Variants in FOXP1 observed in about 807,000 individuals in gnomAD.
The protein encoded by FOXP1 is forkhead box protein P1.
A neutral mutation model predicts 98.2 loss-of-function variants in FOXP1; 15 were observed. The ratio of observed to expected loss-of-function variants is 0.15; its 90% confidence interval spans 0.10 to 0.24. The LOEUF is 0.24. Ranked by LOEUF, FOXP1 falls within the 10% of genes least tolerant of loss-of-function variation. FOXP1 has a pLI of 1.00. For missense variants in FOXP1, 633 were observed against 848.5 expected, an observed-to-expected ratio of 0.75 and a Z score of 3.15; for synonymous variants, 371 against 314.5, an observed-to-expected ratio of 1.18 and a Z score of -1.90.
At chr3:71,521,149 G>C (rs1004677005) in intron 2 of FOXP1, among the ~76,000 whole-genome samples, 2 of 152,036 alleles carry the variant, frequency 1.3e-5, no homozygotes, top group African/African-American at 4.8e-5. Flanking sequence ...ATAGCAGCAA[G>C]GAAAGCTCCT....
At chr3:71,147,777 C>G (rs1288710473) in intron 6 of FOXP1, among the ~76,000 whole-genome samples, 1 of 152,008 alleles carries the variant, frequency 6.6e-6, no homozygotes, top group Non-Finnish European at 1.5e-5. Context: ...AAGATCCTAG[C>G]CTTATCGGCA....
At chr3:71,514,764 A>G (rs1221912515) in intron 2 of FOXP1, among the ~76,000 whole-genome samples, 2 of 152,150 alleles carry the variant, frequency 1.3e-5, no homozygotes, top group Non-Finnish European at 2.9e-5. Flanking sequence ...TGTGGAGCCG[A>G]CCCAGGTGAG....
intron 4 of FOXP1, among the ~76,000 whole-genome samples, chr3:71,305,329 T>A (rs1240724491): frequency 6.6e-6 from 1 of 152,134 alleles, no homozygotes; most frequent in Non-Finnish European, 1.5e-5. Flanking sequence ...AGGCTGTCAT[T>A]TTCCCCCCAG....
At chr3:70,992,927 C>T (rs1223259830) in intron 13 of FOXP1, among the ~76,000 whole-genome samples, 3 of 152,184 alleles carry the variant, frequency 2.0e-5, no homozygotes, top group Non-Finnish European at 2.9e-5. Context: ...CTTTCCCCGA[C>T]GTGCTCAGGG....
chr3:71,132,779 G>A (rs542906643), intron 6 of FOXP1, among the ~76,000 whole-genome samples: 1 of 152,210 alleles, frequency 6.6e-6, no homozygotes, highest in Admixed American at 6.5e-5. Context: ...TTTGCCTTGT[G>A]CAAACGAGTC....
intron 3 of FOXP1, among the ~76,000 whole-genome samples, chr3:71,455,780 A>G (rs2108515814): frequency 6.6e-6 from 1 of 152,354 alleles, no homozygotes; most frequent in East Asian, 1.9e-4. Context: ...TACCTAAGAA[A>G]GAAAAGAGCT....
chr3:71,315,467 A>C (rs17655465), intron 4 of FOXP1, among the ~76,000 whole-genome samples: 21,536 of 152,232 alleles, frequency 0.14, 1,738 homozygotes, highest in Non-Finnish European at 0.19. Flanking sequence ...CTCTTCATCA[A>C]AATTCAGACT....
At chr3:71,512,605 G>T (rs996473882) in intron 2 of FOXP1, among the ~76,000 whole-genome samples, 3 of 152,150 alleles carry the variant, frequency 2.0e-5, no homozygotes, top group African/African-American at 7.2e-5. Flanking sequence ...CTTTTCCTGG[G>T]TGACAAAAGA....
intron 6 of FOXP1, among the ~76,000 whole-genome samples, chr3:71,135,089 T>C (rs536092822): frequency 6.6e-6 from 1 of 151,926 alleles, no homozygotes; most frequent in South Asian, 2.1e-4. Flanking sequence ...TGAAACCCCA[T>C]CTCTACCAAA....
chr3:71,273,767 G>A (rs1169122474), intron 5 of FOXP1, among the ~76,000 whole-genome samples: 2 of 152,206 alleles, frequency 1.3e-5, no homozygotes, highest in African/African-American at 4.8e-5. Context: ...ATGACTTCAT[G>A]CCAAATGCAT....
At chr3:71,528,485 TG>T (rs2043573598) in intron 2 of FOXP1, among the ~76,000 whole-genome samples, 2 of 152,212 alleles carry the variant, frequency 1.3e-5, no homozygotes, top group Non-Finnish European at 2.9e-5. Flanking sequence ...TAATAAATAA[TG>T]TTTGACCTTC....
chr3:71,397,404 T>G (rs1427309671), intron 3 of FOXP1, among the ~76,000 whole-genome samples: 2 of 152,090 alleles, frequency 1.3e-5, no homozygotes, highest in East Asian at 3.9e-4. Flanking sequence ...TTTTGCTAGT[T>G]TTTCCAAGTG....
At chr3:71,049,755 T>C (rs772616572) in intron 9 of FOXP1, among the ~76,000 whole-genome samples, 1 of 152,128 alleles carries the variant, frequency 6.6e-6, no homozygotes, top group African/African-American at 2.4e-5. Flanking sequence ...GTTAAAATCA[T>C]AACCACCAGT....
intron 2 of FOXP1, among the ~76,000 whole-genome samples, chr3:71,534,325 T>C (rs533620120): frequency 3.2e-4 from 48 of 151,976 alleles, no homozygotes; most frequent in African/African-American, 1.2e-3. Flanking sequence ...GATCACGCCA[T>C]TGCACTCCAG....
intron 5 of FOXP1, among the ~76,000 whole-genome samples, chr3:71,289,133 C>T (rs1255559212): frequency 6.6e-6 from 1 of 151,848 alleles, no homozygotes; most frequent in Non-Finnish European, 1.5e-5. Context: ...CTCCCGGGTC[C>T]CAGTTCAAGC....
In FOXP1 at chr3:71,071,441, A is replaced by AC. The variant is rs1194064906; in HGVS notation, c.283-17669dup. Among the ~76,000 whole-genome samples the AC allele has an allele frequency of 2.6e-5, 4 of 152,362 alleles. No homozygotes were observed. The East Asian group carries it at 7.7e-4, about 29-fold the overall frequency. Reference sequence around the variant, plus strand: ...TTTAACTCTGAGATAGTACAGGAGTACTACATATGACTTAGGATTCTATTA... The same window carrying AC: ...TTTAACTCTGAGATAGTACAGGAGTACCTACATATGACTTAGGATTCTATTA... On this transcript the variant is annotated intron_variant, in intron 7 of 20. Coordinates refer to ENST00000649528, the MANE Select transcript of FOXP1 (RefSeq NM_001349338.3).
intron 3 of FOXP1, among the ~76,000 whole-genome samples, chr3:71,392,116 A>G (rs1325208714): frequency 1.3e-5 from 2 of 152,220 alleles, no homozygotes; most frequent in African/African-American, 2.4e-5. Context: ...ATGATATCAG[A>G]TTGGTCCTAT....
At position 70,955,938 on chromosome 3, in the gene FOXP1, A is replaced by G. The variant is rs1048064309; in HGVS notation, c.*3309T>C. The G allele has an allele frequency of 8.3e-4, 193 of 233,296 alleles. No homozygotes were observed. The highest frequency in any genetic ancestry group is 3.3e-3 in the African/African-American group (152 of 45,454). The allele number at this position is 233,296 out of a possible 1,614,324, so 14.5% of individuals were successfully genotyped here. On this transcript the variant is annotated 3_prime_UTR_variant, in exon 21 of 21. Coordinates refer to ENST00000649528, the MANE Select transcript of FOXP1 (RefSeq NM_001349338.3). ...GTTACAGTTTAAAAGCAGAAAAAAA[A>G]AGTTAGGGAGTTTCTCCCTCCCACA...
At chr3:71,310,136 G>C (rs1449472525) in intron 4 of FOXP1, among the ~76,000 whole-genome samples, 1 of 152,166 alleles carries the variant, frequency 6.6e-6, no homozygotes, top group East Asian at 1.9e-4. Flanking sequence ...CTGGACAATG[G>C]ATGATCAGAA....
Sources: allele counts gnomAD v4.1 joint callset (sites outside exome capture counted in the v4.1 genomes callset), GRCh38; gene constraint gnomAD v4.1.1; transcripts MANE v1.5; gene names NCBI Gene and HGNC (gene_info 2026-07-23, HGNC 2026-07-21).